Variants in SNAPC1 observed in about 807,000 individuals in gnomAD.
SNAPC1 encodes small nuclear RNA activating complex polypeptide 1.
In SNAPC1, 42 loss-of-function variants were observed where a neutral mutation model predicts 50.1. That is an observed-to-expected ratio of 0.84 (90% CI 0.65 to 1.08). The LOEUF (loss-of-function observed/expected upper bound fraction) is 1.08. SNAPC1 is among the 50% of genes least tolerant of loss of function. The probability of loss-of-function intolerance (pLI) is 0.00; values close to 1 mark genes in which losing one functional copy is unlikely to be tolerated. For missense variants in SNAPC1, 477 were observed against 427.3 expected, an observed-to-expected ratio of 1.12 and a Z score of -1.02; for synonymous variants, 164 against 144.2, an observed-to-expected ratio of 1.14 and a Z score of -0.98.
At chr14:61,779,227 A>G (rs1050746883) in intron 7 of SNAPC1, among the ~76,000 whole-genome samples, 2 of 152,100 alleles carry the variant, frequency 1.3e-5, no homozygotes, top group African/African-American at 4.8e-5. Context: ...TTGTCCCTGG[A>G]GTTCTGAAAT....
At chr14:61,763,440 G>T (rs1313589559) in intron 1 of SNAPC1, among the ~76,000 whole-genome samples, 9 of 148,546 alleles carry the variant, frequency 6.1e-5, no homozygotes. Flanking sequence ...CTCCAGCTTC[G>T]CCTGCCAGTC....
chr14:61,764,971 T>C (rs2044936228), intron 1 of SNAPC1, among the ~76,000 whole-genome samples: 1 of 152,188 alleles, frequency 6.6e-6, no homozygotes, highest in African/African-American at 2.4e-5. Context: ...TGTTGCTGGT[T>C]TTAAAGTAAA....
At chr14:61,771,203 G>A (rs548449424) in intron 4 of SNAPC1, among the ~76,000 whole-genome samples, 12 of 152,280 alleles carry the variant, frequency 7.9e-5, no homozygotes, top group Non-Finnish European at 1.8e-4. Context: ...AAAATATTTT[G>A]TGTAGATTGT....
intron 4 of SNAPC1, among the ~76,000 whole-genome samples, chr14:61,773,703 T>A (rs1177124907): frequency 6.6e-6 from 1 of 150,714 alleles, no homozygotes; most frequent in Admixed American, 6.6e-5. Flanking sequence ...GCCTTTTTTT[T>A]TTTTTTATTT....
At chr14:61,778,996 A>G (rs1328317323) in intron 7 of SNAPC1, 86 bp downstream of exon 7, 2 of 755,832 alleles carry the variant, frequency 2.6e-6, no homozygotes, top group Non-Finnish European at 2.2e-6. Flanking sequence ...TAATACATGT[A>G]CTTAGTTTTA....
At chr14:61,786,275 T>G (rs576515104) in intron 8 of SNAPC1, among the ~76,000 whole-genome samples, 107 of 134,524 alleles carry the variant, frequency 8.0e-4, no homozygotes, top group Non-Finnish European at 1.3e-3. Context: ...CACGAGCAAA[T>G]CATGAAACAA....
chr14:61,763,759 A>G (rs2044926950), intron 1 of SNAPC1, among the ~76,000 whole-genome samples: 2 of 152,124 alleles, frequency 1.3e-5, no homozygotes, highest in South Asian at 4.1e-4. Flanking sequence ...TTAAGGGCAT[A>G]GGTTATGGAA....
chr14:61,776,265 C>A lies in SNAPC1; in HGVS notation c.693+12C>A. On this transcript the variant is annotated intron_variant, in intron 5 of 9. Coordinates refer to ENST00000216294, the MANE Select transcript of SNAPC1 (RefSeq NM_003082.4). ...ACAAAGACAGAAAGGTATGCAATCA[C>A]TTGTTTGGTGCCTCACCATTGTATT... 1 of 1,604,204 alleles carries A rather than the reference C, an allele frequency of 6.2e-7. No individual in the cohort carries two copies. The highest frequency in any genetic ancestry group is 8.5e-7 in the Non-Finnish European group (1 of 1,173,432).
At chr14:61,792,709 A>T (rs1594653899) in intron 8 of SNAPC1, 98 bp from the exon 9 acceptor site, 3 of 614,542 alleles carry the variant, frequency 4.9e-6, no homozygotes, top group East Asian at 6.4e-5. Context: ...TACATGTCTA[A>T]TTTTTATGCT....
At chr14:61,773,961 G>A (rs145858672) in intron 4 of SNAPC1, among the ~76,000 whole-genome samples, 5,241 of 152,000 alleles carry the variant, frequency 0.034, 321 homozygotes, top group African/African-American at 0.12. Flanking sequence ...CGCCTACCTC[G>A]GCCTTCCAAA....
At chr14:61,779,618 A>G (rs1024755478) in intron 7 of SNAPC1, among the ~76,000 whole-genome samples, 10 of 150,870 alleles carry the variant, frequency 6.6e-5, no homozygotes, top group East Asian at 1.9e-4. Context: ...TTTCTCTTTA[A>G]GGATATTAAC....
At chr14:61,783,166 G>T (rs919047983) in intron 8 of SNAPC1, among the ~76,000 whole-genome samples, 2 of 151,380 alleles carry the variant, frequency 1.3e-5, no homozygotes, top group African/African-American at 4.8e-5. Flanking sequence ...GGGACTACAG[G>T]CACCTGCCAC....
At chr14:61,784,000 T>C (rs2045097156) in intron 8 of SNAPC1, among the ~76,000 whole-genome samples, 1 of 152,206 alleles carries the variant, frequency 6.6e-6, no homozygotes, top group South Asian at 2.1e-4. Context: ...TGCAGGTATA[T>C]ATGAAGATAA....
At chr14:61,789,061 C>T (rs1025476983) in intron 8 of SNAPC1, among the ~76,000 whole-genome samples, 12 of 151,894 alleles carry the variant, frequency 7.9e-5, no homozygotes, top group African/African-American at 2.7e-4. Context: ...TGAAACCCCA[C>T]CTCTACTGAA....
intron 4 of SNAPC1, among the ~76,000 whole-genome samples, chr14:61,769,514 C>T (rs1372105393): frequency 1.3e-5 from 2 of 150,730 alleles, no homozygotes; most frequent in East Asian, 4.0e-4. Context: ...TCTCCTGCCT[C>T]AGCCTCCCGA....
chr14:61,775,456 A>G (rs1347475520), intron 4 of SNAPC1, among the ~76,000 whole-genome samples: 1 of 151,978 alleles, frequency 6.6e-6, no homozygotes, highest in Non-Finnish European at 1.5e-5. Context: ...GGGTTTCACC[A>G]TGTTGGCCAG....
At chr14:61,785,039 G>A (rs1310228033) in intron 8 of SNAPC1, among the ~76,000 whole-genome samples, 1 of 152,132 alleles carries the variant, frequency 6.6e-6, no homozygotes, top group Non-Finnish European at 1.5e-5. Context: ...GGTGACCAAG[G>A]CAAAATTATA....
At position 61,762,441 on chromosome 14, in the gene SNAPC1, G is replaced by T. The variant is rs1348392093; in HGVS notation, c.-20G>T. Reference sequence around the variant, plus strand: ...CGTTAGAGGCGTGCGGGCTTCGGAGGCGTGCGGGCTTCGGGTGCCATGGGG... The same window carrying T: ...CGTTAGAGGCGTGCGGGCTTCGGAGTCGTGCGGGCTTCGGGTGCCATGGGG... On this transcript the variant is annotated 5_prime_UTR_variant, in exon 1 of 10. Coordinates refer to ENST00000216294, the MANE Select transcript of SNAPC1 (RefSeq NM_003082.4). 6.2e-7 allele frequency: 1 copy of T among 1,610,448 alleles called. No individual in the cohort carries two copies. The highest frequency in any genetic ancestry group is 8.5e-7 in the Non-Finnish European group (1 of 1,179,730).
chr14:61,792,621 A>C (rs1215208760), intron 8 of SNAPC1, among the ~76,000 whole-genome samples, 186 bp from the exon 9 acceptor site: 1 of 152,188 alleles, frequency 6.6e-6, no homozygotes, highest in African/African-American at 2.4e-5. Context: ...TCAAAGTATA[A>C]ATACAAATAT....
Sources: allele counts gnomAD v4.1 joint callset (sites outside exome capture counted in the v4.1 genomes callset), GRCh38; gene constraint gnomAD v4.1.1; transcripts MANE v1.5; gene names NCBI Gene and HGNC (gene_info 2026-07-23, HGNC 2026-07-21).